Variants in PANK3 observed in about 807,000 individuals in gnomAD.
PANK3 encodes pantothenate kinase 3, also known as hPanK3.
Under a neutral mutation model 39.4 loss-of-function variants are expected in PANK3, and 20 were observed. The ratio of observed to expected loss-of-function variants is 0.51; its 90% CI spans 0.36 to 0.74. PANK3 has a LOEUF of 0.74. Among genes scored for constraint, PANK3 ranks in the 30% least tolerant of loss-of-function variants. The probability of loss-of-function intolerance (pLI) is 0.00; values close to 1 mark genes in which losing one functional copy is unlikely to be tolerated. For synonymous variants in PANK3, 140 were observed against 157.3 expected (o/e 0.89, Z 0.82); for missense variants, 265 against 437.0 (o/e 0.61, Z 3.51).
At chr5:168,563,760 C>T (rs1759480618) in intron 4 of PANK3, 129 bp downstream of exon 4, 1 of 738,456 alleles carries the variant, frequency 1.4e-6, no homozygotes, top group Admixed American at 3.8e-5. Context: ...CATCAATGTT[C>T]AAAACTTGGA....
chr5:168,571,390 T>TA (rs1759628097), intron 1 of PANK3, among the ~76,000 whole-genome samples: 1 of 152,200 alleles, frequency 6.6e-6, no homozygotes, highest in African/African-American at 2.4e-5. Flanking sequence ...ACCCCCACTA[T>TA]AAGATTGCTC....
chr5:168,551,421 T>C lies in PANK3; in HGVS notation c.*6150A>G, dbSNP rs765262938. On this transcript the variant is annotated 3_prime_UTR_variant, in exon 7 of 7. Transcript: ENST00000239231. ...ATGTACACTCATTTTCATTATCCTCTATCAGTTTTCACATGGCTTTAAACA... is the reference window on the plus strand; with the variant it reads ...ATGTACACTCATTTTCATTATCCTCCATCAGTTTTCACATGGCTTTAAACA... The C allele has an allele frequency of 6.6e-6, 1 of 152,244 alleles. No individual in the cohort carries two copies. Among genetic ancestry groups the C allele is most frequent in the Non-Finnish European group, 1.5e-5 (1 of 68,032 alleles). 9.4% of individuals were successfully genotyped at this position (152,244 alleles called of 1,614,324 possible).
intron 4 of PANK3, 100 bp from the exon 5 acceptor site, chr5:168,561,616 G>A: frequency 1.9e-6 from 2 of 1,071,336 alleles, no homozygotes; most frequent in South Asian, 2.7e-5. Flanking sequence ...ATAAAATTAG[G>A]ACCAAAAAGT....
At chr5:168,561,599 T>C (rs990753508) in intron 4 of PANK3, 83 bp from the exon 5 acceptor site, 1 of 1,191,322 alleles carries the variant, frequency 8.4e-7, no homozygotes, top group Admixed American at 3.6e-5. Context: ...ACAACCTGGA[T>C]ATTTTTATAA....
Position 168,552,318 on chromosome 5 carries a change from T to C in PANK3, c.*5253A>G, listed in dbSNP as rs1450747694. ...GCTTCAGTGAAGTACGTATGTATTT[T>C]GGGTTGTTGGGAACTATGCCCAGTT... On this transcript the variant is annotated 3_prime_UTR_variant, in exon 7 of 7. Transcript: ENST00000239231. 1 of 152,204 alleles carries C rather than the reference T, an allele frequency of 6.6e-6. No individual in the cohort carries two copies. The highest frequency in any genetic ancestry group is 2.4e-5 in the African/African-American group (1 of 41,434). The allele number at this position is 152,204 out of a possible 1,614,324, so 9.4% of individuals were successfully genotyped here.
intron 1 of PANK3, among the ~76,000 whole-genome samples, chr5:168,572,440 C>G (rs1380752876): frequency 6.6e-6 from 1 of 151,954 alleles, no homozygotes; most frequent in Non-Finnish European, 1.5e-5. Context: ...GTGGGATTAT[C>G]ATTAGTTCTT....
Position 168,569,005 on chromosome 5 carries a change from G to GTTT in PANK3, c.29-8_29-7insAAA. 2 of 430,870 alleles carry GTTT rather than the reference G, an allele frequency of 4.6e-6. No individual in the cohort carries two copies. Among genetic ancestry groups the GTTT allele is most frequent in the Non-Finnish European group, 3.1e-6 (1 of 317,734 alleles). 26.7% of individuals were successfully genotyped at this position (430,870 alleles called of 1,614,324 possible). The stretch of plus-strand genomic sequence containing the variant: ...ATGCCAAACCATGGGAAAGCTATGG[G>GTTT]AGGAAAAAAAAAAAAAAAAAAAAAA... On this transcript the variant is annotated splice_polypyrimidine_tract_variant and splice_region_variant and intron_variant, in intron 1 of 6. Transcript: ENST00000239231.
At chr5:168,576,717 A>C (rs1759735976) in intron 1 of PANK3, among the ~76,000 whole-genome samples, 1 of 152,178 alleles carries the variant, frequency 6.6e-6, no homozygotes, top group African/African-American at 2.4e-5. Context: ...TCTAGTATGC[A>C]GTTAAATGAT....
chr5:168,579,185 C>A, intron 1 of PANK3, 71 bp downstream of exon 1: 2 of 1,385,588 alleles, frequency 1.4e-6, no homozygotes, highest in African/African-American at 1.5e-5. Flanking sequence ...AGCCGACCGC[C>A]CAGCCAAGGG....
At chr5:168,578,023 A>G (rs1200173893) in intron 1 of PANK3, among the ~76,000 whole-genome samples, 1 of 152,220 alleles carries the variant, frequency 6.6e-6, no homozygotes, top group African/African-American at 2.4e-5. Flanking sequence ...TTCAGTTATA[A>G]ATAATTTTTT....
In PANK3 at chr5:168,551,284, C is replaced by A. The variant is rs888544396; in HGVS notation, c.*6287G>T. 2.0e-5 allele frequency: 3 copies of A among 152,102 alleles called. No homozygotes were observed. Among genetic ancestry groups the A allele is most frequent in the African/African-American group, 7.2e-5 (3 of 41,426 alleles). 9.4% of individuals were successfully genotyped at this position (152,102 alleles called of 1,614,324 possible). A position where few individuals can be genotyped will look rare whatever the true frequency, so the allele number is the denominator to read the frequency against. On this transcript the variant is annotated 3_prime_UTR_variant, in exon 7 of 7. Coordinates refer to ENST00000239231, the MANE Select transcript of PANK3 (RefSeq NM_024594.4). The stretch of plus-strand genomic sequence containing the variant: ...ATAAACATAAACTTGATCATGGATA[C>A]CTCATGGCAGATCACTTTAAGTGAG...
chr5:168,548,959 G>T lies in PANK3; in HGVS notation c.*8612C>A, dbSNP rs887628325. 6.6e-6 allele frequency: 1 copy of T among 152,120 alleles called. No individual in the cohort carries two copies. 9.4% of individuals were successfully genotyped at this position (152,120 alleles called of 1,614,324 possible). A position where few individuals can be genotyped will look rare whatever the true frequency, so the allele number is the denominator to read the frequency against. On this transcript the variant is annotated 3_prime_UTR_variant, in exon 7 of 7. Transcript: ENST00000239231. ...GAATGAGGCAACTGAAACTGAAATG[G>T]CATGTGTAAGTAAAATTAATCCCCA... is the stretch of plus-strand genomic sequence containing the variant.
Position 168,554,386 on chromosome 5 carries a change from G to A in PANK3, c.*3185C>T, listed in dbSNP as rs949303922. On this transcript the variant is annotated 3_prime_UTR_variant, in exon 7 of 7. Coordinates refer to ENST00000239231, the MANE Select transcript of PANK3 (RefSeq NM_024594.4). ...CCGCAGGTTTACTTAATAGTTTTCA[G>A]TAGACTATCAAGAGATGCATGATAA... is the stretch of plus-strand genomic sequence containing the variant. 1 of 152,160 alleles carries A rather than the reference G, an allele frequency of 6.6e-6. No homozygotes were observed. The highest frequency in any genetic ancestry group is 2.1e-4 in the South Asian group (1 of 4,830). 9.4% of individuals were successfully genotyped at this position (152,160 alleles called of 1,614,324 possible).
In PANK3 at chr5:168,551,308, A is replaced by T. The variant is rs1208014334; in HGVS notation, c.*6263T>A. ...ACCTCATGGCAGATCACTTTAAGTGAGGTCAGAGAGTATTATCACAAAAAG... is the reference window on the plus strand; with the variant it reads ...ACCTCATGGCAGATCACTTTAAGTGTGGTCAGAGAGTATTATCACAAAAAG... On this transcript the variant is annotated 3_prime_UTR_variant, in exon 7 of 7. Coordinates refer to ENST00000239231, the MANE Select transcript of PANK3 (RefSeq NM_024594.4). 1 of 152,200 alleles carries T rather than the reference A, an allele frequency of 6.6e-6. No individual in the cohort carries two copies. The highest frequency in any genetic ancestry group is 1.5e-5 in the Non-Finnish European group (1 of 68,024). 9.4% of individuals were successfully genotyped at this position (152,200 alleles called of 1,614,324 possible).
intron 1 of PANK3, among the ~76,000 whole-genome samples, chr5:168,576,486 C>T (rs939020691): frequency 1.3e-5 from 2 of 152,144 alleles, no homozygotes; most frequent in Non-Finnish European, 2.9e-5. Flanking sequence ...TCCTTCCTTC[C>T]CCTGGCGTTG....
chr5:168,562,731 G>T (rs930238832), intron 4 of PANK3, among the ~76,000 whole-genome samples: 1 of 152,138 alleles, frequency 6.6e-6, no homozygotes, highest in Admixed American at 6.5e-5. Flanking sequence ...TTCTTCAACA[G>T]CAAGACTTAC....
chr5:168,563,163 T>C (rs1460270413), intron 4 of PANK3, among the ~76,000 whole-genome samples: 1 of 152,120 alleles, frequency 6.6e-6, no homozygotes, highest in Non-Finnish European at 1.5e-5. Context: ...CTTTATATAT[T>C]TGGAATGTAG....
At chr5:168,578,526 A>G (rs945455719) in intron 1 of PANK3, 1 of 152,228 alleles carries the variant, frequency 6.6e-6, no homozygotes, top group Non-Finnish European at 1.5e-5. Context: ...ACTGGAATAA[A>G]AGGTTTTTAA....
rs1463750444 is a variant in PANK3, at chr5:168,556,281, C to CTA, written c.*1288_*1289dup. ...AGCAAATGGAAGACTTGCTCCAACT[C>CTA]TAGAGTTTTCAGAGAGTTAGAGGAG... is the stretch of plus-strand genomic sequence containing the variant. On this transcript the variant is annotated 3_prime_UTR_variant, in exon 7 of 7. Transcript: ENST00000239231. The CTA allele has an allele frequency of 6.6e-6, 1 of 152,178 alleles. No individual in the cohort carries two copies. The highest frequency in any genetic ancestry group is 2.4e-5 in the African/African-American group (1 of 41,430). The allele number at this position is 152,178 out of a possible 1,614,324, so 9.4% of individuals were successfully genotyped here.
Sources: allele counts gnomAD v4.1 joint callset (sites outside exome capture counted in the v4.1 genomes callset), GRCh38; gene constraint gnomAD v4.1.1; transcripts MANE v1.5; gene names NCBI Gene and HGNC (gene_info 2026-07-23, HGNC 2026-07-21).